The following GALNTL6 variants were observed in gnomAD, a reference collection of about 807,000 sequenced individuals.
GALNTL6 encodes polypeptide N-acetylgalactosaminyltransferase like 6.
Under a neutral mutation model 73.7 loss-of-function variants are expected in GALNTL6, and 46 were observed. The observed-to-expected ratio is 0.62, with a 90% confidence interval of 0.49 to 0.80. The LOEUF (loss-of-function observed/expected upper bound fraction) is 0.80, where lower values mean the gene tolerates loss of function less well. GALNTL6 is among the 30% of genes least tolerant of loss of function. The pLI is 0.00. For synonymous variants in GALNTL6, 259 were observed against 263.7 expected (o/e 0.98, Z 0.17); for missense variants, 604 against 755.0 (o/e 0.80, Z 2.34).
intron 10 of GALNTL6, among the ~76,000 whole-genome samples, chr4:173,003,846 A>T (rs1343943510): frequency 1.3e-5 from 2 of 152,184 alleles, no homozygotes; most frequent in Non-Finnish European, 2.9e-5. Context: ...CTCCAAGCCC[A>T]TCTCACCCAG....
intron 2 of GALNTL6, among the ~76,000 whole-genome samples, chr4:172,076,394 G>T (rs1161391495): frequency 1.3e-5 from 2 of 151,976 alleles, no homozygotes; most frequent in East Asian, 3.9e-4. Context: ...AACACTGATG[G>T]GATAATAACA....
intron 5 of GALNTL6, among the ~76,000 whole-genome samples, chr4:172,359,713 A>G (rs1052723120): frequency 1.3e-5 from 2 of 152,134 alleles, no homozygotes; most frequent in Non-Finnish European, 2.9e-5. Flanking sequence ...GATCCCACAT[A>G]TAAGGCACAT....
At chr4:171,849,756 C>A (rs943888136) in intron 2 of GALNTL6, among the ~76,000 whole-genome samples, 1 of 152,124 alleles carries the variant, frequency 6.6e-6, no homozygotes, top group Admixed American at 6.5e-5. Flanking sequence ...GGTGGCCATG[C>A]CGCAGGCTGG....
chr4:172,974,109 T>C (rs995366947), intron 10 of GALNTL6, among the ~76,000 whole-genome samples: 2 of 152,258 alleles, frequency 1.3e-5, no homozygotes, highest in African/African-American at 4.8e-5. Flanking sequence ...ATTTTTATTG[T>C]ACTTATGCCC....
At chr4:172,209,003 C>T (rs1324603087) in intron 2 of GALNTL6, among the ~76,000 whole-genome samples, 1 of 152,088 alleles carries the variant, frequency 6.6e-6, no homozygotes, top group East Asian at 1.9e-4. Flanking sequence ...TACAGGAGTT[C>T]TCAAATTCTT....
At chr4:172,551,711 A>G (rs1257082029) in intron 5 of GALNTL6, among the ~76,000 whole-genome samples, 1 of 152,156 alleles carries the variant, frequency 6.6e-6, no homozygotes, top group Non-Finnish European at 1.5e-5. Flanking sequence ...GGAAGAATAT[A>G]CTACCAACAT....
At chr4:172,214,050 CAG>C (rs1712009413) in intron 2 of GALNTL6, among the ~76,000 whole-genome samples, 1 of 152,136 alleles carries the variant, frequency 6.6e-6, no homozygotes, top group Admixed American at 6.5e-5. Flanking sequence ...ATTTGCTGTA[CAG>C]ACTCTCCTTT....
intron 5 of GALNTL6, among the ~76,000 whole-genome samples, chr4:172,459,733 A>G (rs1732540720): frequency 6.6e-6 from 1 of 152,176 alleles, no homozygotes; most frequent in South Asian, 2.1e-4. Context: ...CAAATGGAAA[A>G]CATTCCATGC....
chr4:172,218,193 G>A (rs969715151), intron 2 of GALNTL6, among the ~76,000 whole-genome samples: 3 of 152,048 alleles, frequency 2.0e-5, no homozygotes, highest in Admixed American at 6.6e-5. Context: ...GCTCCCTTAG[G>A]TGAGACAGAT....
chr4:171,839,991 G>A (rs936409162), intron 2 of GALNTL6, among the ~76,000 whole-genome samples: 3 of 152,086 alleles, frequency 2.0e-5, no homozygotes, highest in Non-Finnish European at 4.4e-5. Context: ...GTGTTTTAGA[G>A]GATTGTGGAT....
intron 9 of GALNTL6, among the ~76,000 whole-genome samples, chr4:172,950,560 G>A (rs563397516): frequency 9.2e-5 from 14 of 152,246 alleles, no homozygotes; most frequent in African/African-American, 3.4e-4. Flanking sequence ...GAGACCTGCT[G>A]GGAGACACTG....
chr4:172,657,298 C>T (rs1390481267), intron 5 of GALNTL6, among the ~76,000 whole-genome samples: 1 of 152,156 alleles, frequency 6.6e-6, no homozygotes, highest in Non-Finnish European at 1.5e-5. Context: ...GATAATCCAT[C>T]ATGGTGGGTT....
chr4:172,939,281 G>A (rs759832682), intron 9 of GALNTL6, among the ~76,000 whole-genome samples: 17 of 152,152 alleles, frequency 1.1e-4, no homozygotes, highest in Admixed American at 2.0e-4. Flanking sequence ...GGGTGACAAT[G>A]TGAGACCCTG....
At chr4:172,173,661 C>T (rs571873050) in intron 2 of GALNTL6, among the ~76,000 whole-genome samples, 79 of 152,194 alleles carry the variant, frequency 5.2e-4, no homozygotes, top group Non-Finnish European at 3.2e-4. Context: ...TAATTGGAAA[C>T]GGAGCTATTT....
chr4:172,372,222 G>T (rs558776939), intron 5 of GALNTL6, among the ~76,000 whole-genome samples: 1 of 152,284 alleles, frequency 6.6e-6, no homozygotes, highest in South Asian at 2.1e-4. Flanking sequence ...CATCTCAGGG[G>T]GCATAAGTCT....
intron 2 of GALNTL6, among the ~76,000 whole-genome samples, chr4:171,820,990 A>G (rs1054685353): frequency 3.9e-5 from 6 of 152,126 alleles, no homozygotes; most frequent in African/African-American, 1.2e-4. Context: ...ATTGTTAGGT[A>G]TGCCACATAA....
At chr4:172,788,075 G>A (rs1034272377) in intron 5 of GALNTL6, among the ~76,000 whole-genome samples, 7 of 152,168 alleles carry the variant, frequency 4.6e-5, no homozygotes, top group African/African-American at 1.7e-4. Flanking sequence ...GCTGGGCATG[G>A]TGGTGCATGC....
At chr4:172,329,829 T>C (rs1345187946) in intron 4 of GALNTL6, among the ~76,000 whole-genome samples, 1 of 152,052 alleles carries the variant, frequency 6.6e-6, no homozygotes, top group African/African-American at 2.4e-5. Context: ...TGGGAAACAC[T>C]GGCAAGGGTG....
In GALNTL6 at chr4:172,959,527, G is replaced by A. The variant is rs189940208; in HGVS notation, c.1371+7269G>A. On this transcript the variant is annotated intron_variant, in intron 10 of 12. Transcript: ENST00000506823. ...CTAATGTGGAGTGAGTAGACTCCAT[G>A]TTGATTAAGAAGGGGATAGACTTAC... is the stretch of plus-strand genomic sequence containing the variant. 8.9e-4 allele frequency among the ~76,000 whole-genome samples: 136 copies of A among 152,132 alleles called. No individual in the cohort carries two copies. The Middle Eastern group carries it at 0.01, about 11-fold the overall frequency.
Sources: gnomAD v4.1 joint callset for allele counts (sites outside exome capture counted in the v4.1 genomes callset) on GRCh38, gnomAD v4.1.1 for gene constraint, MANE v1.5 for transcripts, NCBI Gene and HGNC (gene_info 2026-07-23, HGNC 2026-07-21) for gene names.